The following CPEB2 variants were observed in gnomAD, a reference collection of about 807,000 sequenced individuals.
The protein encoded by CPEB2 is cytoplasmic polyadenylation element binding protein 2.
CPEB2 carries 56 observed loss-of-function variants against 93.6 expected under a neutral mutation model. That is an observed-to-expected ratio of 0.60 (90% CI 0.48 to 0.75). The LOEUF (loss-of-function observed/expected upper bound fraction) is 0.75, where lower values mean the gene tolerates loss of function less well. CPEB2 is among the 30% of genes least tolerant of loss of function. CPEB2 has a pLI of 0.00. For missense variants in CPEB2, 1,579 were observed against 1,395.1 expected (o/e 1.13, Z -2.10); for synonymous variants, 764 against 586.3 (o/e 1.30, Z -4.38).
At chr4:15,042,889 G>A (rs1196502860) in intron 6 of CPEB2, among the ~76,000 whole-genome samples, 3 of 152,208 alleles carry the variant, frequency 2.0e-5, no homozygotes, top group East Asian at 1.9e-4. Flanking sequence ...AGCCTCATGT[G>A]TTAGATTTGA....
At chr4:15,010,218 TCA>T (rs758021609) in intron 3 of CPEB2, among the ~76,000 whole-genome samples, 1 of 152,222 alleles carries the variant, frequency 6.6e-6, no homozygotes, top group Non-Finnish European at 1.5e-5. Flanking sequence ...TCTCTTTGGG[TCA>T]CAGTTTCCTT....
intron 6 of CPEB2, among the ~76,000 whole-genome samples, chr4:15,042,251 G>C (rs1727255729): frequency 6.6e-6 from 1 of 152,098 alleles, no homozygotes; most frequent in East Asian, 1.9e-4. Flanking sequence ...CATGACCTAA[G>C]AAGTTCTTAG....
intron 4 of CPEB2, among the ~76,000 whole-genome samples, chr4:15,022,643 A>T (rs556193912): frequency 2.6e-5 from 4 of 152,172 alleles, no homozygotes; most frequent in East Asian, 1.9e-4. Context: ...AGGAAAAAAA[A>T]TTATTAACTT....
intron 5 of CPEB2, among the ~76,000 whole-genome samples, chr4:15,035,954 C>T (rs754926933): frequency 2.0e-5 from 3 of 152,008 alleles, no homozygotes; most frequent in Admixed American, 2.0e-4. Flanking sequence ...ATTGTTGGGC[C>T]GATATGGCAA....
intron 6 of CPEB2, among the ~76,000 whole-genome samples, chr4:15,048,899 T>C (rs767369549): frequency 6.6e-6 from 1 of 152,028 alleles, no homozygotes; most frequent in East Asian, 1.9e-4. Flanking sequence ...TCATATTAAT[T>C]TGGAATATGA....
chr4:15,005,187 C>T (rs1722656510), intron 1 of CPEB2: 2 of 152,194 alleles, frequency 1.3e-5, no homozygotes, highest in African/African-American at 4.8e-5. Context: ...AGTGACCGCT[C>T]GGGTTCAAAC....
At chr4:15,065,744 C>T (rs1480362970) in intron 11 of CPEB2, among the ~76,000 whole-genome samples, 1 of 152,038 alleles carries the variant, frequency 6.6e-6, no homozygotes, top group Non-Finnish European at 1.5e-5. Flanking sequence ...GAGTGTGACT[C>T]GCACCTGCAG....
At chr4:15,009,845 TA>T (rs1454694118) in intron 3 of CPEB2, among the ~76,000 whole-genome samples, 5 of 152,140 alleles carry the variant, frequency 3.3e-5, no homozygotes, top group African/African-American at 1.2e-4. Context: ...AGAGAGGAGA[TA>T]GGGGTGATAA....
chr4:15,045,672 G>A (rs990715136), intron 6 of CPEB2, among the ~76,000 whole-genome samples: 3 of 152,062 alleles, frequency 2.0e-5, no homozygotes, highest in Non-Finnish European at 2.9e-5. Flanking sequence ...TATAGGGTTT[G>A]CAAATTAATA....
rs1299454145 is a variant in CPEB2, at chr4:15,068,490, C to T, written c.*2110C>T. ...ATATCTCTGTGAGAGATTTTTCCAACAGTCAGCTATTTTATGGCACACTTT... is the reference window on the plus strand; with the variant it reads ...ATATCTCTGTGAGAGATTTTTCCAATAGTCAGCTATTTTATGGCACACTTT... On this transcript the variant is annotated 3_prime_UTR_variant, in exon 12 of 12. Transcript: ENST00000538197. The T allele has an allele frequency of 6.6e-6, 1 of 152,236 alleles. No homozygotes were observed. The highest frequency in any genetic ancestry group is 1.5e-5 in the Non-Finnish European group (1 of 67,848). 9.4% of individuals were successfully genotyped at this position (152,236 alleles called of 1,614,324 possible). A position where few individuals can be genotyped will look rare whatever the true frequency, so the allele number is the denominator to read the frequency against.
At chr4:15,044,206 C>A (rs1323962520) in intron 6 of CPEB2, among the ~76,000 whole-genome samples, 3 of 152,166 alleles carry the variant, frequency 2.0e-5, no homozygotes, top group African/African-American at 7.2e-5. Context: ...TTTTTGTAAA[C>A]AAAGTTTTAT....
Position 15,003,728 on chromosome 4 carries a change from G to A in CPEB2, c.1055G>A (p.Gly352Asp). Reference sequence around the variant, plus strand: ...AGCCCGGACCTTCCACACCCGGGCGGCGGCGGCGGCGGCGGGGGCGGGGGG... The same window carrying A: ...AGCCCGGACCTTCCACACCCGGGCGACGGCGGCGGCGGCGGGGGCGGGGGG... ...LQSPDLPHPG[G>D]GGGGGGGGPP... The change falls in exon 1 of 12, where the codon GGC (glycine) becomes GAC (aspartate). Residue 352 changes from glycine to aspartate, a missense_variant. Gly to Asp is a moderately conservative substitution (Grantham distance 94). This residue lies in a region of CPEB2 where 1,411 missense variants were observed against 1,056.0 expected (regional missense o/e 1.34). Coordinates refer to ENST00000538197, the MANE Select transcript of CPEB2 (RefSeq NM_001177382.2). 2 of 1,298,452 alleles carry A rather than the reference G, an allele frequency of 1.5e-6. No individual in the cohort carries two copies. The highest frequency in any genetic ancestry group is 1.9e-6 in the Non-Finnish European group (2 of 1,027,274). The allele number at this position is 1,298,452 out of a possible 1,614,324, so 80.4% of individuals were successfully genotyped here. A position where few individuals can be genotyped will look rare whatever the true frequency, so the allele number is the denominator to read the frequency against.
chr4:15,061,752 C>T (rs1437620880), intron 10 of CPEB2, among the ~76,000 whole-genome samples: 1 of 144,010 alleles, frequency 6.9e-6, no homozygotes, highest in Non-Finnish European at 1.5e-5. Context: ...AAGCAGTGTC[C>T]TAAGTGAGAG....
intron 4 of CPEB2, among the ~76,000 whole-genome samples, chr4:15,028,897 G>T (rs538148540): frequency 6.6e-6 from 1 of 152,192 alleles, no homozygotes; most frequent in East Asian, 1.9e-4. Flanking sequence ...GTTTTATACA[G>T]TTGTCATATT....
intron 1 of CPEB2, 66 bp from the exon 2 acceptor site, chr4:15,007,239 T>A (rs1024169383): frequency 7.5e-7 from 1 of 1,333,140 alleles, no homozygotes; most frequent in Non-Finnish European, 9.9e-7. Context: ...AGGTCTGAAA[T>A]TTGAATTTGA....
chr4:15,012,437 ATGTT>A (rs1723611495), intron 3 of CPEB2, among the ~76,000 whole-genome samples: 1 of 152,150 alleles, frequency 6.6e-6, no homozygotes, highest in African/African-American at 2.4e-5. Context: ...TTCATTCTGT[ATGTT>A]AGTGTTTTAA....
Position 15,003,946 on chromosome 4 carries a change from A to C in CPEB2, c.1273A>C (p.Thr425Pro). ...PQPQPPGSSA[T>P]TPGGGSGGSL... ...GCCGCAGCCGCCCGGCTCGTCTGCC[A>C]CCACCCCGGGCGGCGGCAGCGGCGG... Residue 425 changes from threonine (T) to proline (P), a missense_variant, in exon 1 of 12, where the codon ACC becomes CCC. Physicochemically the swap from Thr to Pro is conservative, Grantham distance 38. This residue lies in a region of CPEB2 where 1,411 missense variants were observed against 1,056.0 expected (regional missense o/e 1.34). Coordinates refer to ENST00000538197, the MANE Select transcript of CPEB2 (RefSeq NM_001177382.2). 1 of 1,233,032 alleles carries C rather than the reference A, an allele frequency of 8.1e-7. No individual in the cohort carries two copies. The highest frequency in any genetic ancestry group is 1.1e-6 in the Non-Finnish European group (1 of 950,174). The allele number at this position is 1,233,032 out of a possible 1,614,324, so 76.4% of individuals were successfully genotyped here.
At position 15,004,279 on chromosome 4, in the gene CPEB2, C is replaced by T. The variant is rs1190975740; in HGVS notation, c.1606C>T (p.His536Tyr). The T allele has an allele frequency of 2.7e-6, 4 of 1,494,960 alleles. No homozygotes were observed. The highest frequency in any genetic ancestry group is 1.2e-5 in the South Asian group (1 of 80,384). 92.6% of individuals were successfully genotyped at this position (1,494,960 alleles called of 1,614,324 possible). Residue 536 changes from histidine to tyrosine, a missense_variant, in exon 1 of 12, where the codon CAC becomes TAC. Physicochemically the swap from His to Tyr is moderately conservative, Grantham distance 83. Coordinates refer to ENST00000538197, the MANE Select transcript of CPEB2 (RefSeq NM_001177382.2). ...CGTCAGCCCGCAGCTCCAGCAGCAG[C>T]ACCAGGCGGCGGCCGCCGCCTTCCT... ...SPVSPQLQQQHQAAAAAFLQQ... is the reference protein window; with the variant it reads ...SPVSPQLQQQYQAAAAAFLQQ...
intron 5 of CPEB2, among the ~76,000 whole-genome samples, chr4:15,037,146 C>G (rs1412561150): frequency 6.6e-6 from 1 of 151,838 alleles, no homozygotes; most frequent in Non-Finnish European, 1.5e-5. Context: ...ACTAAAAATA[C>G]AAAAAAATTA....
Sources: allele counts gnomAD v4.1 joint callset (sites outside exome capture counted in the v4.1 genomes callset), GRCh38; gene constraint gnomAD v4.1.1; regional missense constraint gnomAD v4.1.1; transcripts MANE v1.5; gene names NCBI Gene and HGNC (gene_info 2026-07-23, HGNC 2026-07-21).